IL21: variants seen among roughly 807,000 people sequenced by gnomAD.
IL21 encodes the protein interleukin-21.
A neutral mutation model predicts 18.4 loss-of-function variants in IL21; 3 were observed. That is an observed-to-expected ratio of 0.16 (90% confidence interval 0.07 to 0.42). The LOEUF (loss-of-function observed/expected upper bound fraction) is 0.42, where lower values mean the gene tolerates loss of function less well. Ranked by LOEUF, IL21 falls within the 10% of genes least tolerant of loss-of-function variation. IL21 has a pLI of 0.99. For missense variants in IL21, 130 were observed against 188.4 expected (o/e 0.69, Z 1.81); for synonymous variants, 37 against 62.0 (o/e 0.60, Z 1.90).
intron 2 of IL21, among the ~76,000 whole-genome samples, chr4:122,617,762 C>G (rs1312540123): frequency 6.6e-6 from 1 of 152,190 alleles, no homozygotes; most frequent in Non-Finnish European, 1.5e-5. Flanking sequence ...TTCTTCTGTT[C>G]TGCAAGCAGC....
At position 122,610,395 on chromosome 4, in the gene IL21, C is replaced by T. The variant is rs1302267315; in HGVS notation, c.*2315G>A. Among the ~76,000 whole-genome samples the T allele has an allele frequency of 1.3e-5, 2 of 152,058 alleles. No homozygotes were observed. The highest frequency in any genetic ancestry group is 2.4e-5 in the African/African-American group (1 of 41,410). ...ATAATAATGTTTCCTTTTCTCCCCT[C>T]CTTCCTTCCTTCCTTTTTTTTCTTG... On this transcript the variant is annotated 3_prime_UTR_variant, in exon 5 of 5. Coordinates refer to ENST00000648588, the MANE Select transcript of IL21 (RefSeq NM_021803.4).
At chr4:122,615,075 A>G (rs540920950) in intron 3 of IL21, among the ~76,000 whole-genome samples, 32 of 152,328 alleles carry the variant, frequency 2.1e-4, no homozygotes, top group African/African-American at 7.5e-4. Flanking sequence ...CTTAACTCCA[A>G]AATCACAGTT....
chr4:122,615,775 T>C lies in IL21; in HGVS notation c.267A>G (p.Thr89=). ...CATTGATTATCCTTTCATTGTTTCC[T>C]GTATTTGCTGACTTTAGTTGGGCCT... The part of the protein sequence containing the change: ...FQKAQLKSAN[T]GNNERIINVS... Residue 89 remains threonine, a synonymous_variant, in exon 3 of 5, where the codon ACA becomes ACG. Coordinates refer to ENST00000648588, the MANE Select transcript of IL21 (RefSeq NM_021803.4). 6.2e-7 allele frequency: 1 copy of C among 1,613,610 alleles called. No homozygotes were observed. Among genetic ancestry groups the C allele is most frequent in the South Asian group, 1.1e-5 (1 of 91,042 alleles).
At chr4:122,614,189 T>C (rs45487101) in intron 3 of IL21, among the ~76,000 whole-genome samples, 3,446 of 151,194 alleles carry the variant, frequency 0.023, 84 homozygotes, top group African/African-American at 0.064. Flanking sequence ...ATCTATAAGA[T>C]GAACATGCTT....
In IL21 at chr4:122,620,941, A is replaced by G; in HGVS notation, c.71T>C (p.Val24Ala). Residue 24 changes from valine to alanine, a missense_variant, in exon 1 of 5, where the codon GTC becomes GCC. By Grantham distance (64) the Val-to-Ala change is moderately conservative. Coordinates refer to ENST00000648588, the MANE Select transcript of IL21 (RefSeq NM_021803.4). Reference protein sequence around the residue: ...CLMVIFLGTLVHKSSSQGQDR... With the variant: ...CLMVIFLGTLAHKSSSQGQDR... ...TTGACCTTGGGAGCTTGATTTGTGG[A>G]CCAGTGTCCCCAAGAAGATGACCAT... 1 of 1,613,978 alleles carries G rather than the reference A, an allele frequency of 6.2e-7. No homozygotes were observed. Among genetic ancestry groups the G allele is most frequent in the Non-Finnish European group, 8.5e-7 (1 of 1,179,916 alleles).
At chr4:122,614,922 G>A (rs1799316195) in intron 3 of IL21, among the ~76,000 whole-genome samples, 1 of 152,098 alleles carries the variant, frequency 6.6e-6, no homozygotes, top group South Asian at 2.1e-4. Context: ...TGATGTACAG[G>A]ATAGTAATAT....
At chr4:122,616,192 C>CTGT (rs1799335501) in intron 2 of IL21, among the ~76,000 whole-genome samples, 1 of 152,198 alleles carries the variant, frequency 6.6e-6, no homozygotes, top group African/African-American at 2.4e-5. Context: ...AAAACTTACA[C>CTGT]TGTGACTAGT....
In IL21 at chr4:122,615,689, T is replaced by A; in HGVS notation, c.353A>T (p.His118Leu). The A allele has an allele frequency of 1.2e-6, 2 of 1,611,538 alleles. No individual in the cohort carries two copies. Among genetic ancestry groups the A allele is most frequent in the South Asian group, 2.2e-5 (2 of 90,314 alleles). Residue 118 changes from histidine to leucine, a missense_variant, in exon 3 of 5, where the codon CAC becomes CTC. Transcript: ENST00000648588. ...PSTNAGRRQK[H>L]RLTCPSCDSY... The stretch of plus-strand genomic sequence containing the variant: ...GACAAATGACAATCTTACTAGTCTG[T>A]GTTTCTGTCTTCTCCCTGCATTTGT...
chr4:122,614,973 T>C (rs1233600761), intron 3 of IL21, among the ~76,000 whole-genome samples: 2 of 152,182 alleles, frequency 1.3e-5, no homozygotes. Flanking sequence ...TGCCCTAGTC[T>C]TCTTGTAGGC....
chr4:122,617,739 A>G (rs1381037027), intron 2 of IL21, among the ~76,000 whole-genome samples: 6 of 152,112 alleles, frequency 3.9e-5, no homozygotes, highest in Non-Finnish European at 8.8e-5. Flanking sequence ...TTAACAGACA[A>G]TGGGGTTTTG....
chr4:122,616,869 T>C (rs1799344138), intron 2 of IL21, among the ~76,000 whole-genome samples: 1 of 152,216 alleles, frequency 6.6e-6, no homozygotes, highest in African/African-American at 2.4e-5. Context: ...ATTTTCCCCC[T>C]GAAGTTGCTA....
intron 3 of IL21, among the ~76,000 whole-genome samples, chr4:122,613,583 C>G (rs945531518): frequency 6.6e-6 from 1 of 152,126 alleles, no homozygotes; most frequent in Admixed American, 6.6e-5. Context: ...AACTCCTGAT[C>G]TCAGGTGATC....
chr4:122,612,909 G>A lies in IL21; in HGVS notation c.380C>T (p.Ser127Phe). The A allele has an allele frequency of 1.2e-6, 2 of 1,607,100 alleles. No individual in the cohort carries two copies. The highest frequency in any genetic ancestry group is 1.7e-6 in the Non-Finnish European group (2 of 1,174,810). Residue 127 changes from serine (S) to phenylalanine (F), a missense_variant, in exon 4 of 5, where the codon TCT (serine) becomes TTT (phenylalanine). Physicochemically the swap from Ser to Phe is radical, Grantham distance 155. Transcript: ENST00000648588. ...TTCTTTGGGTGGTTTTTTCTCATAA[G>A]AATCACATGAAGGGCATGTCTAGAA... ...KHRLTCPSCD[S>F]YEKKPPKEFL...
intron 2 of IL21, among the ~76,000 whole-genome samples, chr4:122,618,433 G>C (rs45603132): frequency 0.015 from 2,214 of 152,096 alleles, 31 homozygotes; most frequent in African/African-American, 0.036. Context: ...ACCCAGCTGA[G>C]GCCTATTTTT....
intron 2 of IL21, among the ~76,000 whole-genome samples, chr4:122,618,032 A>G (rs1378103420): frequency 6.6e-6 from 1 of 152,190 alleles, no homozygotes; most frequent in Admixed American, 6.5e-5. Flanking sequence ...TTCCTTTGCT[A>G]TGCCTTGGTG....
chr4:122,613,101 A>G (rs959697541), intron 3 of IL21, among the ~76,000 whole-genome samples, 173 bp from the exon 4 acceptor site: 6 of 152,164 alleles, frequency 3.9e-5, no homozygotes, highest in Non-Finnish European at 8.8e-5. Flanking sequence ...TCCCATTCCC[A>G]GAGATAGGAA....
rs753250495 is a variant in IL21, at chr4:122,615,675, A to G, written c.360+7T>C. 9 of 1,608,076 alleles carry G rather than the reference A, an allele frequency of 5.6e-6. No homozygotes were observed. The highest frequency in any genetic ancestry group is 3.4e-5 in the Admixed American group (2 of 58,810). On this transcript the variant is annotated splice_region_variant and intron_variant, in intron 3 of 4. Transcript: ENST00000648588. The stretch of plus-strand genomic sequence containing the variant: ...CAAATAAGAGAGATGACAAATGACA[A>G]TCTTACTAGTCTGTGTTTCTGTCTT...
chr4:122,620,793 T>C (rs1489454877), intron 1 of IL21, 51 bp downstream of exon 1: 1 of 1,611,316 alleles, frequency 6.2e-7, no homozygotes, highest in South Asian at 1.1e-5. Flanking sequence ...CCTCCTTTTA[T>C]ATTAATTGAA....
chr4:122,614,791 T>C (rs959119751), intron 3 of IL21, among the ~76,000 whole-genome samples: 4 of 152,174 alleles, frequency 2.6e-5, no homozygotes, highest in Non-Finnish European at 4.4e-5. Flanking sequence ...TTCTTGGGTA[T>C]CTGCATTGCT....
Sources: allele counts gnomAD v4.1 joint callset (sites outside exome capture counted in the v4.1 genomes callset), GRCh38; gene constraint gnomAD v4.1.1; transcripts MANE v1.5; gene names NCBI Gene and HGNC (gene_info 2026-07-23, HGNC 2026-07-21).